SULF1: variants seen among roughly 807,000 people sequenced by gnomAD.
The protein encoded by SULF1 is extracellular sulfatase Sulf-1.
A neutral mutation model predicts 110.5 loss-of-function variants in SULF1; 46 were observed. The ratio of observed to expected loss-of-function variants is 0.42; its 90% CI spans 0.33 to 0.53. SULF1 has a LOEUF of 0.53. SULF1 is among the 20% of genes least tolerant of loss of function. SULF1 has a pLI of 0.12. For synonymous variants in SULF1, 371 were observed against 387.1 expected (o/e 0.96, Z 0.49); for missense variants, 941 against 1,094.2 (o/e 0.86, Z 1.98).
intron 19 of SULF1, among the ~76,000 whole-genome samples, chr8:69,632,908 C>A (rs1810691041): frequency 6.6e-6 from 1 of 151,676 alleles, no homozygotes; most frequent in Admixed American, 6.6e-5. Flanking sequence ...CGCCTGTAGT[C>A]CCAGCTACTC....
At chr8:69,615,595 A>G (rs369463275) in intron 13 of SULF1, among the ~76,000 whole-genome samples, 2 of 152,146 alleles carry the variant, frequency 1.3e-5, no homozygotes, top group African/African-American at 4.8e-5. Flanking sequence ...TGTAGTATGT[A>G]TGGATAATAT....
intron 3 of SULF1, among the ~76,000 whole-genome samples, chr8:69,550,491 G>A (rs1414692274): frequency 2.0e-5 from 3 of 152,152 alleles, no homozygotes; most frequent in Non-Finnish European, 4.4e-5. Flanking sequence ...GTGGAATGGT[G>A]AGGGACTTTT....
In SULF1 at chr8:69,639,083, A is replaced by G. The variant is rs147743909; in HGVS notation, c.2551+225A>G. Among the ~76,000 whole-genome samples the G allele has an allele frequency of 6.4e-3, 968 of 152,278 alleles. 20 individuals carry two copies. Among genetic ancestry groups the G allele is most frequent in the Admixed American group, 0.027 (412 of 15,296 alleles). ...GATTTGGTGAGCATTTCCTTCCAAT[A>G]TCTCCCACAGGTCTATTCTATTAGT... On this transcript the variant is annotated intron_variant, in intron 21 of 22. Coordinates refer to ENST00000402687, the MANE Select transcript of SULF1 (RefSeq NM_001128205.2).
intron 3 of SULF1, among the ~76,000 whole-genome samples, chr8:69,527,777 G>C (rs1185316781): frequency 6.6e-6 from 1 of 152,132 alleles, no homozygotes; most frequent in Non-Finnish European, 1.5e-5. Flanking sequence ...GGGCAAGTGT[G>C]TATGTGTGTG....
At chr8:69,626,466 TC>T (rs1810035458) in intron 15 of SULF1, among the ~76,000 whole-genome samples, 1 of 152,252 alleles carries the variant, frequency 6.6e-6, no homozygotes, top group South Asian at 2.1e-4. Flanking sequence ...CGTCTGCCAG[TC>T]CCGCGCCATG....
chr8:69,615,620 G>A (rs1220293358), intron 13 of SULF1, among the ~76,000 whole-genome samples: 1 of 152,116 alleles, frequency 6.6e-6, no homozygotes, highest in Non-Finnish European at 1.5e-5. Context: ...GTATGCATGT[G>A]TGTAGACATA....
chr8:69,574,745 T>C (rs560858272), intron 5 of SULF1, among the ~76,000 whole-genome samples: 6 of 152,336 alleles, frequency 3.9e-5, no homozygotes, highest in South Asian at 2.1e-4. Flanking sequence ...AAAAGGTTGC[T>C]TGATGCCCTG....
At chr8:69,554,377 T>C (rs1468355077) in intron 3 of SULF1, among the ~76,000 whole-genome samples, 5 of 143,744 alleles carry the variant, frequency 3.5e-5, no homozygotes, top group Non-Finnish European at 6.1e-5. Flanking sequence ...GAAGATTTAT[T>C]TTACATATAA....
In SULF1 at chr8:69,627,872, CT is replaced by C; in HGVS notation, c.2042+8del. On this transcript the variant is annotated splice_region_variant and intron_variant, in intron 17 of 22. Transcript: ENST00000402687. ...TGTAGCTGCAGTAAACAAAGGTGAGCTTGTTTCCATCCATGCTCCACTTTCC... is the reference window on the plus strand; with the variant it reads ...TGTAGCTGCAGTAAACAAAGGTGAGCTGTTTCCATCCATGCTCCACTTTCC... The C allele has an allele frequency of 6.2e-7, 1 of 1,605,768 alleles. No individual in the cohort carries two copies. Among genetic ancestry groups the C allele is most frequent in the Non-Finnish European group, 8.5e-7 (1 of 1,174,090 alleles).
At chr8:69,580,180 A>G (rs1265779183) in intron 6 of SULF1, among the ~76,000 whole-genome samples, 1 of 152,190 alleles carries the variant, frequency 6.6e-6, no homozygotes, top group Non-Finnish European at 1.5e-5. Flanking sequence ...ATATGAGTCT[A>G]TGAGAGCTTG....
chr8:69,549,733 A>G (rs115646684), intron 3 of SULF1, among the ~76,000 whole-genome samples: 2,079 of 152,288 alleles, frequency 0.014, 42 homozygotes, highest in African/African-American at 0.046. Context: ...CTGCGTGACT[A>G]TGCACAAATT....
At chr8:69,644,715 C>G (rs1314585815) in intron 22 of SULF1, among the ~76,000 whole-genome samples, 1 of 148,504 alleles carries the variant, frequency 6.7e-6, no homozygotes, top group African/African-American at 2.5e-5. Flanking sequence ...GAGCCGAGAT[C>G]ACGCCACTGG....
intron 22 of SULF1, among the ~76,000 whole-genome samples, chr8:69,648,489 C>T (rs993388124): frequency 3.3e-5 from 5 of 152,146 alleles, no homozygotes; most frequent in East Asian, 1.9e-4. Flanking sequence ...CCCAGGGGAA[C>T]GGCCAGAGAG....
At chr8:69,553,250 AT>A in intron 3 of SULF1, among the ~76,000 whole-genome samples, 1 of 152,372 alleles carries the variant, frequency 6.6e-6, no homozygotes, top group Non-Finnish European at 1.5e-5. Flanking sequence ...GTTTATGATC[AT>A]TTACATTTAT....
chr8:69,484,638 T>C (rs1334354944), intron 1 of SULF1, among the ~76,000 whole-genome samples: 1 of 152,210 alleles, frequency 6.6e-6, no homozygotes, highest in Non-Finnish European at 1.5e-5. Flanking sequence ...GGATAATCTT[T>C]TTTAGATTAT....
intron 22 of SULF1, chr8:69,641,160 G>A (rs1563622290): frequency 3.9e-6 from 1 of 255,240 alleles, no homozygotes; most frequent in African/African-American, 2.2e-5. Flanking sequence ...CCCGGGAAAG[G>A]GTGGGAGATT....
At chr8:69,495,547 T>C (rs1431594312) in intron 1 of SULF1, among the ~76,000 whole-genome samples, 1 of 152,200 alleles carries the variant, frequency 6.6e-6, no homozygotes, top group East Asian at 1.9e-4. Flanking sequence ...TGCTGCCAAA[T>C]GAATTTTTTT....
chr8:69,486,139 C>T (rs565620289), intron 1 of SULF1, among the ~76,000 whole-genome samples: 1 of 152,304 alleles, frequency 6.6e-6, no homozygotes, highest in Non-Finnish European at 1.5e-5. Context: ...TTTTTGCTCA[C>T]TCAAGGCAGA....
At chr8:69,513,137 A>C (rs531959043) in intron 3 of SULF1, among the ~76,000 whole-genome samples, 1 of 152,212 alleles carries the variant, frequency 6.6e-6, no homozygotes, top group Non-Finnish European at 1.5e-5. Context: ...ATAAATGTTC[A>C]TTGTTAATTT....
Sources: allele counts gnomAD v4.1 joint callset (sites outside exome capture counted in the v4.1 genomes callset), GRCh38; gene constraint gnomAD v4.1.1; transcripts MANE v1.5; gene names NCBI Gene and HGNC (gene_info 2026-07-23, HGNC 2026-07-21).